The following MAP3K7 variants were observed in gnomAD, a reference collection of about 807,000 sequenced individuals.
MAP3K7 encodes mitogen-activated protein kinase kinase kinase 7, also known as TGF-beta activated kinase 1.
A neutral mutation model predicts 84.8 loss-of-function variants in MAP3K7; 21 were observed. That is an observed-to-expected ratio of 0.25 (90% CI 0.18 to 0.36). The LOEUF (loss-of-function observed/expected upper bound fraction) is 0.36. Ranked by LOEUF, MAP3K7 falls within the 10% of genes least tolerant of loss-of-function variation. MAP3K7 has a pLI of 1.00. For synonymous variants in MAP3K7, 241 were observed against 247.7 expected (o/e 0.97, Z 0.25); for missense variants, 503 against 747.7 (o/e 0.67, Z 3.82).
Position 90,583,891 on chromosome 6 carries a change from T to C in MAP3K7, c.120+2873A>G, listed in dbSNP as rs567821469. Among the ~76,000 whole-genome samples, 70 of 152,348 alleles carry C rather than the reference T, an allele frequency of 4.6e-4. 2 individuals are homozygous for C. The South Asian group carries it at 7.3e-3, about 16-fold the overall frequency. Reference sequence around the variant, plus strand: ...TTTAAAAAGTACCTAGGCAGATTTCTGAGGCTGAGACCTTACCTAATTTGA... The same window carrying C: ...TTTAAAAAGTACCTAGGCAGATTTCCGAGGCTGAGACCTTACCTAATTTGA... On this transcript the variant is annotated intron_variant, in intron 1 of 16. Coordinates refer to ENST00000369329, the MANE Select transcript of MAP3K7 (RefSeq NM_145331.3).
rs766705070 is a variant in MAP3K7, at chr6:90,571,758, G to C, written c.170C>G (p.Ala57Gly). Reference protein sequence around the residue: ...FGVVCKAKWRAKDVAIKQIES... With the variant: ...FGVVCKAKWRGKDVAIKQIES... ...TATTTGTTTAATAGCAACATCTTTT[G>C]CTCTCCACTTAGCTTTGCAAACAAC... The change falls in exon 2 of 17, where the codon GCA becomes GGA. Residue 57 changes from alanine to glycine, a missense_variant. This residue lies in a region of MAP3K7 where 97 missense variants were observed against 270.8 expected (regional missense o/e 0.36). Transcript: ENST00000369329. 15 of 1,606,026 alleles carry C rather than the reference G, an allele frequency of 9.3e-6. No individual in the cohort carries two copies. Among genetic ancestry groups the C allele is most frequent in the Middle Eastern group, 1.7e-4 (1 of 6,038 alleles).
At chr6:90,526,397 C>T (rs1383492429) in intron 13 of MAP3K7, among the ~76,000 whole-genome samples, 3 of 152,042 alleles carry the variant, frequency 2.0e-5, no homozygotes. Context: ...AACTTAATTA[C>T]TTTTTATACT....
Position 90,544,644 on chromosome 6 carries a change from C to G in MAP3K7, c.1211-12G>C. ...AGGCTTGGAATAGGCTGCAAAAACA[C>G]ATATATACAGTATACATGCAAACAA... On this transcript the variant is annotated splice_polypyrimidine_tract_variant and intron_variant, in intron 11 of 16. Coordinates refer to ENST00000369329, the MANE Select transcript of MAP3K7 (RefSeq NM_145331.3). The G allele has an allele frequency of 6.2e-7, 1 of 1,608,860 alleles. No individual in the cohort carries two copies. Among genetic ancestry groups the G allele is most frequent in the South Asian group, 1.1e-5 (1 of 90,984 alleles).
At chr6:90,577,716 G>A (rs1401826316) in intron 1 of MAP3K7, among the ~76,000 whole-genome samples, 1 of 152,304 alleles carries the variant, frequency 6.6e-6, no homozygotes, top group East Asian at 1.9e-4. Flanking sequence ...TGTGGTCTCC[G>A]GTTCAGCAGT....
intron 4 of MAP3K7, among the ~76,000 whole-genome samples, chr6:90,560,674 CT>C (rs902661707): frequency 5.3e-4 from 80 of 152,114 alleles, no homozygotes; most frequent in African/African-American, 1.8e-3. Flanking sequence ...AATTTTTCTT[CT>C]AAATAAAAAG....
intron 9 of MAP3K7, among the ~76,000 whole-genome samples, 171 bp downstream of exon 9, chr6:90,550,297 G>T (rs1407617896): frequency 6.6e-6 from 1 of 151,766 alleles, no homozygotes; most frequent in Non-Finnish European, 1.5e-5. Flanking sequence ...CTTTAATCAG[G>T]GTACCTACAT....
At chr6:90,571,848 A>AC (rs776390250) in intron 1 of MAP3K7, 41 bp from the exon 2 acceptor site, 95 of 1,164,116 alleles carry the variant, frequency 8.2e-5, no homozygotes, top group Non-Finnish European at 1.2e-4. Context: ...AAAAAACACC[A>AC]CAAGAATCGG....
intron 13 of MAP3K7, among the ~76,000 whole-genome samples, chr6:90,533,059 A>C (rs1278667206): frequency 6.6e-6 from 1 of 152,186 alleles, no homozygotes; most frequent in Non-Finnish European, 1.5e-5. Flanking sequence ...TCTCATCCTC[A>C]CTTTACCTGG....
At chr6:90,519,702 T>C (rs1369291943) in intron 14 of MAP3K7, among the ~76,000 whole-genome samples, 1 of 151,966 alleles carries the variant, frequency 6.6e-6, no homozygotes, top group Non-Finnish European at 1.5e-5. Context: ...GCTAAGTTTA[T>C]TTTATAGAAG....
chr6:90,527,559 G>C (rs958634024), intron 13 of MAP3K7, among the ~76,000 whole-genome samples: 1 of 152,110 alleles, frequency 6.6e-6, no homozygotes, highest in African/African-American at 2.4e-5. Flanking sequence ...GAGCCCCTGT[G>C]CCCAGTGGGA....
chr6:90,525,387 C>T (rs1775289456), intron 13 of MAP3K7, among the ~76,000 whole-genome samples: 1 of 152,076 alleles, frequency 6.6e-6, no homozygotes, highest in Non-Finnish European at 1.5e-5. Flanking sequence ...ATGGGTCTTA[C>T]TATGTTGACC....
At chr6:90,552,223 C>T (rs1413505894) in intron 7 of MAP3K7, 44 bp from the exon 8 acceptor site, 3 of 1,555,722 alleles carry the variant, frequency 1.9e-6, no homozygotes, top group South Asian at 1.1e-5. Context: ...TGTATTTACC[C>T]AAAGAATGAT....
At position 90,533,478 on chromosome 6, in the gene MAP3K7, C is replaced by T. The variant is rs372468950; in HGVS notation, c.1356+2859G>A. Reference sequence around the variant, plus strand: ...GGGAAACTCAAAGGAAGGAGGGGTTCGTTCCAGATTGGCCGCTGTCAGAAA... The same window carrying T: ...GGGAAACTCAAAGGAAGGAGGGGTTTGTTCCAGATTGGCCGCTGTCAGAAA... On this transcript the variant is annotated intron_variant, in intron 13 of 16. Coordinates refer to ENST00000369329, the MANE Select transcript of MAP3K7 (RefSeq NM_145331.3). Among the ~76,000 whole-genome samples the T allele has an allele frequency of 6.6e-5, 10 of 152,194 alleles. No individual in the cohort carries two copies. The South Asian group carries it at 1.9e-3, about 28-fold the overall frequency.
Position 90,558,941 on chromosome 6 carries a change from T to C in MAP3K7, c.482+1135A>G, listed in dbSNP as rs1486342816. ...TGCTTGCCTATATCCTTTGGATCATTTGTCAATTTGTTGCTGGTTAAGAGC... is the reference window on the plus strand; with the variant it reads ...TGCTTGCCTATATCCTTTGGATCATCTGTCAATTTGTTGCTGGTTAAGAGC... On this transcript the variant is annotated intron_variant, in intron 5 of 16. Coordinates refer to ENST00000369329, the MANE Select transcript of MAP3K7 (RefSeq NM_145331.3). Among the ~76,000 whole-genome samples, 3 of 152,370 alleles carry C rather than the reference T, an allele frequency of 2.0e-5. No individual in the cohort carries two copies. The East Asian group carries it at 5.8e-4, about 29-fold the overall frequency.
chr6:90,541,329 T>C (rs1488926846), intron 12 of MAP3K7, among the ~76,000 whole-genome samples: 4 of 152,126 alleles, frequency 2.6e-5, no homozygotes, highest in African/African-American at 7.2e-5. Context: ...GTAGTTCATA[T>C]GGTCTAAATA....
chr6:90,564,412 T>C (rs1776629471), intron 3 of MAP3K7, among the ~76,000 whole-genome samples: 1 of 151,286 alleles, frequency 6.6e-6, no homozygotes, highest in Non-Finnish European at 1.5e-5. Flanking sequence ...AAGGCAGGGG[T>C]TGCAATCCTA....
At chr6:90,520,277 A>T (rs1197216899) in intron 14 of MAP3K7, among the ~76,000 whole-genome samples, 1 of 152,068 alleles carries the variant, frequency 6.6e-6, no homozygotes, top group Non-Finnish European at 1.5e-5. Context: ...AAGGCAAGTC[A>T]GGAAGACAGC....
intron 12 of MAP3K7, 191 bp from the exon 13 acceptor site, chr6:90,536,592 C>G (rs1775688334): frequency 1.1e-5 from 6 of 552,170 alleles, no homozygotes; most frequent in Admixed American, 3.1e-5. Context: ...GGAAGAGAAA[C>G]AGCTGCGGTG....
At chr6:90,563,261 A>G (rs1776586968) in intron 3 of MAP3K7, among the ~76,000 whole-genome samples, 1 of 152,200 alleles carries the variant, frequency 6.6e-6, no homozygotes, top group African/African-American at 2.4e-5. Flanking sequence ...ACAATCGGTA[A>G]TAACAAACTT....
Sources: allele counts gnomAD v4.1 joint callset (sites outside exome capture counted in the v4.1 genomes callset), GRCh38; gene constraint gnomAD v4.1.1; regional missense constraint gnomAD v4.1.1; transcripts MANE v1.5; gene names NCBI Gene and HGNC (gene_info 2026-07-23, HGNC 2026-07-21).